The following PDLIM5 variants were observed in gnomAD, a reference collection of about 807,000 sequenced individuals.
PDLIM5 encodes the protein PDZ and LIM domain 5, also known as PDZ and LIM domain protein 5.
PDLIM5 carries 34 observed loss-of-function variants against 64.2 expected under a neutral mutation model. That is an observed-to-expected ratio of 0.53 (90% confidence interval 0.40 to 0.71). The LOEUF (loss-of-function observed/expected upper bound fraction) is 0.71. Among genes scored for constraint, PDLIM5 ranks in the 30% least tolerant of loss-of-function variants. PDLIM5 has a pLI of 0.00. For missense variants in PDLIM5, 683 were observed against 733.6 expected, an observed-to-expected ratio of 0.93 and a Z score of 0.80; for synonymous variants, 253 against 269.1, an observed-to-expected ratio of 0.94 and a Z score of 0.59.
intron 3 of PDLIM5, among the ~76,000 whole-genome samples, chr4:94,543,731 T>G (rs1465059839): frequency 6.6e-6 from 1 of 151,682 alleles, no homozygotes; most frequent in African/African-American, 2.4e-5. Flanking sequence ...ATACATGTTT[T>G]CACAAATGAC....
At chr4:94,596,813 C>T (rs927551137) in intron 7 of PDLIM5, among the ~76,000 whole-genome samples, 3 of 152,078 alleles carry the variant, frequency 2.0e-5, no homozygotes, top group African/African-American at 7.2e-5. Flanking sequence ...GATATTTAGA[C>T]ATCTTCACTT....
At chr4:94,571,167 C>T (rs1225489068) in intron 3 of PDLIM5, among the ~76,000 whole-genome samples, 2 of 152,128 alleles carry the variant, frequency 1.3e-5, no homozygotes, top group African/African-American at 4.8e-5. Context: ...TTATTTGTGG[C>T]ATAATTTTTC....
In PDLIM5 at chr4:94,655,244, GTACATAATAAATAATGAA is replaced by G. The variant is rs568498488; in HGVS notation, c.1464+610_1464+627del. On this transcript the variant is annotated intron_variant, in intron 10 of 12. Coordinates refer to ENST00000317968, the MANE Select transcript of PDLIM5 (RefSeq NM_006457.5). ...AGGAGTAATTTAGGAATCAGATACAGTACATAATAAATAATGAATACATGAATTTCTTGCTCTGGAATA... is the reference window on the plus strand; with the variant it reads ...AGGAGTAATTTAGGAATCAGATACAGTACATGAATTTCTTGCTCTGGAATA... 5.0e-3 allele frequency among the ~76,000 whole-genome samples: 764 copies of G among 152,018 alleles called. 6 individuals carry two copies. The highest frequency in any genetic ancestry group is 0.017 in the African/African-American group (724 of 41,438).
intron 2 of PDLIM5, among the ~76,000 whole-genome samples, chr4:94,483,098 A>C (rs1726015362): frequency 6.6e-6 from 1 of 152,182 alleles, no homozygotes; most frequent in South Asian, 2.1e-4. Flanking sequence ...CAGAATGGTT[A>C]ACTTAGCCCT....
chr4:94,490,233 ATAT>A (rs959528867), intron 2 of PDLIM5, among the ~76,000 whole-genome samples: 2 of 152,060 alleles, frequency 1.3e-5, no homozygotes, highest in African/African-American at 2.4e-5. Flanking sequence ...AATGACTAAA[ATAT>A]TATAAACTCT....
chr4:94,615,475 G>A (rs1738702546), intron 7 of PDLIM5, among the ~76,000 whole-genome samples: 2 of 152,130 alleles, frequency 1.3e-5, no homozygotes, highest in South Asian at 4.2e-4. Flanking sequence ...GTGGATGGGT[G>A]CAGAGAGAGA....
In PDLIM5 at chr4:94,474,908, T is replaced by C. The variant is rs371484164; in HGVS notation, c.96+19524T>C. The stretch of plus-strand genomic sequence containing the variant: ...CTCAGGCTGTTCTCCTGCCTTGGCC[T>C]AGCAAAGCGCTGGGATTACAGAAAT... On this transcript the variant is annotated intron_variant, in intron 2 of 12. Coordinates refer to ENST00000317968, the MANE Select transcript of PDLIM5 (RefSeq NM_006457.5). Among the ~76,000 whole-genome samples, 47 of 152,320 alleles carry C rather than the reference T, an allele frequency of 3.1e-4. 1 individual carries two copies. Among genetic ancestry groups the C allele is most frequent in the African/African-American group, 1.1e-3 (47 of 41,580 alleles).
chr4:94,631,090 T>TG (rs1740114384), intron 8 of PDLIM5, among the ~76,000 whole-genome samples: 1 of 144,194 alleles, frequency 6.9e-6, no homozygotes, highest in South Asian at 2.2e-4. Context: ...TTTGTAGAGA[T>TG]GGGGGTCTCA....
chr4:94,632,696 C>T (rs1443106100), intron 8 of PDLIM5, among the ~76,000 whole-genome samples: 1 of 151,970 alleles, frequency 6.6e-6, no homozygotes, highest in East Asian at 1.9e-4. Context: ...CTGGTTTGAC[C>T]CAATGTAATC....
At chr4:94,462,022 C>G (rs532354535) in intron 2 of PDLIM5, among the ~76,000 whole-genome samples, 1 of 152,230 alleles carries the variant, frequency 6.6e-6, no homozygotes, top group Admixed American at 6.5e-5. Context: ...CGCCACCATG[C>G]CCAGCTAATT....
intron 3 of PDLIM5, among the ~76,000 whole-genome samples, chr4:94,555,953 C>T (rs981618419): frequency 6.6e-6 from 1 of 151,522 alleles, no homozygotes; most frequent in Admixed American, 6.6e-5. Flanking sequence ...ATGTGCACAA[C>T]ATTCAGGTTT....
At chr4:94,649,100 C>A (rs144348493) in intron 9 of PDLIM5, among the ~76,000 whole-genome samples, 1 of 151,938 alleles carries the variant, frequency 6.6e-6, no homozygotes, top group Non-Finnish European at 1.5e-5. Context: ...CTCAGCCTCC[C>A]GAATAGCTAA....
chr4:94,607,171 T>C (rs1171682850), intron 7 of PDLIM5, among the ~76,000 whole-genome samples: 1 of 152,146 alleles, frequency 6.6e-6, no homozygotes, highest in Non-Finnish European at 1.5e-5. Flanking sequence ...TAATGTGAAA[T>C]AAAAAACAGG....
At chr4:94,630,034 G>A (rs1185735267) in intron 8 of PDLIM5, among the ~76,000 whole-genome samples, 1 of 152,140 alleles carries the variant, frequency 6.6e-6, no homozygotes, top group South Asian at 2.1e-4. Flanking sequence ...GGCTGGGGAA[G>A]GGGCAGAGAA....
At chr4:94,489,562 A>G (rs1726670206) in intron 2 of PDLIM5, among the ~76,000 whole-genome samples, 1 of 151,956 alleles carries the variant, frequency 6.6e-6, no homozygotes. Context: ...ATATATATAA[A>G]TATAAAAATA....
chr4:94,653,019 A>T (rs1416119278), intron 9 of PDLIM5, among the ~76,000 whole-genome samples: 3 of 152,142 alleles, frequency 2.0e-5, no homozygotes, highest in African/African-American at 4.8e-5. Flanking sequence ...TCAGAATTTT[A>T]AAAATGCTGT....
intron 2 of PDLIM5, among the ~76,000 whole-genome samples, chr4:94,492,223 C>G (rs372006116): frequency 1.3e-5 from 2 of 151,280 alleles, no homozygotes; most frequent in East Asian, 1.9e-4. Context: ...TTGAAAGGTA[C>G]TCCACATTTT....
intron 9 of PDLIM5, among the ~76,000 whole-genome samples, chr4:94,648,088 G>A (rs894374360): frequency 1.3e-5 from 2 of 152,102 alleles, no homozygotes; most frequent in African/African-American, 2.4e-5. Context: ...CAGTAACATT[G>A]CCTTCTACCT....
chr4:94,507,558 T>C (rs1354658925), intron 2 of PDLIM5, among the ~76,000 whole-genome samples: 1 of 152,220 alleles, frequency 6.6e-6, no homozygotes. Flanking sequence ...GAATGGAACC[T>C]CATGGCAAAC....
Sources: allele counts gnomAD v4.1 joint callset (sites outside exome capture counted in the v4.1 genomes callset), GRCh38; gene constraint gnomAD v4.1.1; transcripts MANE v1.5; gene names NCBI Gene and HGNC (gene_info 2026-07-23, HGNC 2026-07-21).